NDST3: variants seen among roughly 807,000 people sequenced by gnomAD.
The protein encoded by NDST3 is N-deacetylase and N-sulfotransferase 3.
In NDST3, 58 loss-of-function variants were observed where a neutral mutation model predicts 96.1. The ratio of observed to expected loss-of-function variants is 0.60; its 90% CI spans 0.49 to 0.75. The LOEUF is 0.75. Ranked by LOEUF, NDST3 falls within the 30% of genes least tolerant of loss-of-function variation. NDST3 has a pLI of 0.00. For synonymous variants in NDST3, 333 were observed against 359.7 expected (o/e 0.93, Z 0.84); for missense variants, 788 against 1,034.2 (o/e 0.76, Z 3.27).
chr4:118,054,704 A>G lies in NDST3; in HGVS notation c.794A>G (p.Asp265Gly), dbSNP rs1725296755. Residue 265 changes from aspartate (D) to glycine (G), a missense_variant, in exon 2 of 14, where the codon GAT (aspartate) becomes GGT (glycine). By Grantham distance (94) the Asp-to-Gly change is moderately conservative. Around this residue, in one of 3 missense-constraint regions of NDST3, gnomAD observed 490 missense variants for 708.8 expected, o/e 0.69. Coordinates refer to ENST00000296499, the MANE Select transcript of NDST3 (RefSeq NM_004784.3). ...ATIIHDLGLHDGIQRVLFGNN... is the reference protein window; with the variant it reads ...ATIIHDLGLHGGIQRVLFGNN... ...ATTATACATGACCTGGGGCTTCATGATGGAATTCAAAGGGTTCTTTTTGGC... is the reference window on the plus strand; with the variant it reads ...ATTATACATGACCTGGGGCTTCATGGTGGAATTCAAAGGGTTCTTTTTGGC... 2 of 1,613,384 alleles carry G rather than the reference A, an allele frequency of 1.2e-6. No individual in the cohort carries two copies. The highest frequency in any genetic ancestry group is 1.7e-6 in the Non-Finnish European group (2 of 1,179,504).
intron 2 of NDST3, among the ~76,000 whole-genome samples, chr4:118,079,865 G>T (rs965261599): frequency 6.6e-6 from 1 of 152,190 alleles, no homozygotes; most frequent in Non-Finnish European, 1.5e-5. Context: ...TATTGAAAAT[G>T]TAGCTAAAGG....
At chr4:118,133,128 A>G (rs927049775) in intron 4 of NDST3, among the ~76,000 whole-genome samples, 2 of 152,186 alleles carry the variant, frequency 1.3e-5, no homozygotes, top group African/African-American at 4.8e-5. Context: ...ATCCAGCACT[A>G]GGAGTTGCCT....
rs575911886 is a variant in NDST3, at chr4:118,140,542, C to A, written c.1410+2303C>A. Reference sequence around the variant, plus strand: ...GTTGAATATGACTCTCTGGAAAGAACCAGTATATTAGTCCATTCTCACATT... The same window carrying A: ...GTTGAATATGACTCTCTGGAAAGAAACAGTATATTAGTCCATTCTCACATT... On this transcript the variant is annotated intron_variant, in intron 5 of 13. Transcript: ENST00000296499. Among the ~76,000 whole-genome samples, 7 of 152,216 alleles carry A rather than the reference C, an allele frequency of 4.6e-5. No homozygotes were observed. In the South Asian group the frequency reaches 1.5e-3, roughly 32 times the overall value.
At chr4:118,050,937 A>G (rs531070920) in intron 1 of NDST3, among the ~76,000 whole-genome samples, 2 of 152,238 alleles carry the variant, frequency 1.3e-5, no homozygotes, top group African/African-American at 4.8e-5. Context: ...AAAAGAACAA[A>G]GCCAGAAGCA....
intron 6 of NDST3, among the ~76,000 whole-genome samples, chr4:118,209,950 T>C (rs1421039391): frequency 6.6e-6 from 1 of 152,098 alleles, no homozygotes; most frequent in Admixed American, 6.5e-5. Flanking sequence ...GAGAAGGTGA[T>C]AAAGTGAAAG....
At chr4:118,104,630 C>T (rs944533331) in intron 2 of NDST3, among the ~76,000 whole-genome samples, 2 of 152,098 alleles carry the variant, frequency 1.3e-5, no homozygotes, top group African/African-American at 4.8e-5. Flanking sequence ...TTTCAACATA[C>T]GTTCTTGCAT....
At chr4:118,240,826 G>A in intron 11 of NDST3, 132 bp downstream of exon 11, 1 of 785,030 alleles carries the variant, frequency 1.3e-6, no homozygotes, top group Non-Finnish European at 1.9e-6. Flanking sequence ...ATGAGGCTAT[G>A]GCAAAGAGAA....
chr4:118,127,038 ATTACGAGATTTT>A (rs150724166), intron 4 of NDST3, among the ~76,000 whole-genome samples: 2,434 of 151,896 alleles, frequency 0.016, 23 homozygotes, highest in Middle Eastern at 0.075. Context: ...AGTTATTCAG[ATTACGAGATTTT>A]TTACTATAGA....
chr4:118,166,857 A>G (rs889167412), intron 6 of NDST3, among the ~76,000 whole-genome samples: 2 of 152,008 alleles, frequency 1.3e-5, no homozygotes, highest in African/African-American at 4.8e-5. Flanking sequence ...TGATTTCATG[A>G]TAAAAACTTG....
intron 6 of NDST3, among the ~76,000 whole-genome samples, chr4:118,187,902 T>C (rs1399001763): frequency 6.6e-6 from 1 of 152,186 alleles, no homozygotes; most frequent in Admixed American, 6.5e-5. Context: ...GCAGTGTGGA[T>C]GGCAAGAGCA....
At chr4:118,136,479 T>C (rs1400589194) in intron 4 of NDST3, among the ~76,000 whole-genome samples, 1 of 152,210 alleles carries the variant, frequency 6.6e-6, no homozygotes, top group East Asian at 1.9e-4. Context: ...TAGTTTAGTT[T>C]GAGTTTTTAA....
chr4:118,068,891 T>TA (rs1220574939), intron 2 of NDST3, among the ~76,000 whole-genome samples: 11 of 152,138 alleles, frequency 7.2e-5, no homozygotes, highest in Admixed American at 2.0e-4. Flanking sequence ...GAAGAGTTCT[T>TA]ACATTTAGTT....
chr4:118,100,147 A>G (rs905163904), intron 2 of NDST3, among the ~76,000 whole-genome samples: 1 of 152,088 alleles, frequency 6.6e-6, no homozygotes, highest in Non-Finnish European at 1.5e-5. Context: ...TAAGTAAAGC[A>G]GATGGCCCTC....
In NDST3 at chr4:118,243,112, G is replaced by A. The variant is rs1457803818; in HGVS notation, c.2399+963G>A. 5.3e-5 allele frequency among the ~76,000 whole-genome samples: 8 copies of A among 150,040 alleles called. No homozygotes were observed. In the East Asian group the frequency reaches 7.8e-4, roughly 15 times the overall value. ...TGGTTTTTTTTTAATTACATGGACT[G>A]AGCCTTAAAAAAAAACTGAAAAAGA... On this transcript the variant is annotated intron_variant, in intron 12 of 13. Coordinates refer to ENST00000296499, the MANE Select transcript of NDST3 (RefSeq NM_004784.3).
chr4:118,144,594 T>C (rs1022687582), intron 6 of NDST3, among the ~76,000 whole-genome samples: 2 of 152,100 alleles, frequency 1.3e-5, no homozygotes, highest in Non-Finnish European at 2.9e-5. Context: ...CAAATGGAAG[T>C]AAGCTGCATA....
At chr4:118,107,976 C>T (rs1730338154) in intron 3 of NDST3, among the ~76,000 whole-genome samples, 3 of 152,176 alleles carry the variant, frequency 2.0e-5, no homozygotes, top group East Asian at 1.9e-4. Flanking sequence ...TTCCACATGG[C>T]TGGGGAGGCC....
At chr4:118,100,373 TCAC>T (rs961699017) in intron 2 of NDST3, among the ~76,000 whole-genome samples, 1 of 151,970 alleles carries the variant, frequency 6.6e-6, no homozygotes, top group African/African-American at 2.4e-5. Context: ...CTGAATTATA[TCAC>T]CAGCTTTCTT....
At chr4:118,092,921 AG>A (rs1728995792) in intron 2 of NDST3, among the ~76,000 whole-genome samples, 1 of 151,854 alleles carries the variant, frequency 6.6e-6, no homozygotes, top group Non-Finnish European at 1.5e-5. Flanking sequence ...TACATTTATA[AG>A]GATGTCCAGG....
chr4:118,237,323 T>A (rs1029809249), intron 10 of NDST3, 103 bp downstream of exon 10: 3 of 947,096 alleles, frequency 3.2e-6, no homozygotes, highest in Non-Finnish European at 4.3e-6. Flanking sequence ...CAAAAGAGAT[T>A]TGCTAGTTGT....
Sources: allele counts gnomAD v4.1 joint callset (sites outside exome capture counted in the v4.1 genomes callset), GRCh38; gene constraint gnomAD v4.1.1; regional missense constraint gnomAD v4.1.1; transcripts MANE v1.5; gene names NCBI Gene and HGNC (gene_info 2026-07-23, HGNC 2026-07-21).